Variants in ADAMTSL1 observed in about 807,000 individuals in gnomAD.
ADAMTSL1 encodes ADAMTS-like protein 1.
ADAMTSL1 carries 126 observed loss-of-function variants against 201.8 expected under a neutral mutation model. The ratio of observed to expected loss-of-function variants is 0.62; its 90% CI spans 0.54 to 0.72. ADAMTSL1 has a LOEUF of 0.72. Ranked by LOEUF, ADAMTSL1 falls within the 30% of genes least tolerant of loss-of-function variation. The pLI is 0.00. For missense variants in ADAMTSL1, 2,679 were observed against 2,277.8 expected (o/e 1.18, Z -3.59); for synonymous variants, 1,121 against 903.4 (o/e 1.24, Z -4.32).
intron 2 of ADAMTSL1, among the ~76,000 whole-genome samples, chr9:18,302,513 C>G (rs1196576826): frequency 2.0e-5 from 3 of 152,118 alleles, no homozygotes; most frequent in Admixed American, 1.3e-4. Flanking sequence ...GCTCTTGCCT[C>G]TATATCAAAA....
intron 3 of ADAMTSL1, among the ~76,000 whole-genome samples, chr9:18,548,416 C>G (rs1476972803): frequency 1.3e-5 from 2 of 151,994 alleles, no homozygotes; most frequent in African/African-American, 4.8e-5. Context: ...TTTGCAAGCT[C>G]AAGAAAGCTG....
chr9:18,904,232 G>C (rs1402100862), intron 26 of ADAMTSL1, among the ~76,000 whole-genome samples: 1 of 152,086 alleles, frequency 6.6e-6, no homozygotes, highest in Non-Finnish European at 1.5e-5. Flanking sequence ...ACTTTGGGAG[G>C]CCAAGGCAGG....
intron 4 of ADAMTSL1, among the ~76,000 whole-genome samples, chr9:18,590,954 C>G (rs1576897): frequency 6.6e-6 from 1 of 151,874 alleles, no homozygotes; most frequent in African/African-American, 2.4e-5. Flanking sequence ...TAATATATGG[C>G]TTATTCTGGA....
intron 2 of ADAMTSL1, among the ~76,000 whole-genome samples, chr9:18,305,224 T>G (rs1348487921): frequency 6.6e-6 from 1 of 152,200 alleles, no homozygotes; most frequent in Non-Finnish European, 1.5e-5. Flanking sequence ...ACCAGGAGAT[T>G]CCCTTGGCTG....
At chr9:18,558,954 G>T (rs1435992734) in intron 3 of ADAMTSL1, among the ~76,000 whole-genome samples, 1 of 152,108 alleles carries the variant, frequency 6.6e-6, no homozygotes, top group East Asian at 1.9e-4. Context: ...CCATTCTGTA[G>T]GTTGCCTATT....
intron 2 of ADAMTSL1, among the ~76,000 whole-genome samples, chr9:18,164,532 C>T (rs892482722): frequency 6.6e-6 from 1 of 151,566 alleles, no homozygotes; most frequent in African/African-American, 2.4e-5. Context: ...AGATTACAGG[C>T]CTTTCTCTGC....
intron 2 of ADAMTSL1, among the ~76,000 whole-genome samples, chr9:18,211,149 C>T (rs1464546466): frequency 6.6e-6 from 1 of 152,136 alleles, no homozygotes; most frequent in Non-Finnish European, 1.5e-5. Flanking sequence ...TATTTTCTAT[C>T]TCCTTTTCCC....
In ADAMTSL1 at chr9:18,474,181, G is replaced by A. The variant is rs990294526; in HGVS notation, c.-52G>A. 1.3e-6 allele frequency: 2 copies of A among 1,567,448 alleles called. No homozygotes were observed. The highest frequency in any genetic ancestry group is 8.8e-7 in the Non-Finnish European group (1 of 1,138,438). ...ACTGGATGTGACAGCAGGCAGAGGA[G>A]CACTTAGCAGCTTATTCAGTGTCCG... On this transcript the variant is annotated 5_prime_UTR_variant, in exon 1 of 29. Coordinates refer to ENST00000380548, the MANE Select transcript of ADAMTSL1 (RefSeq NM_001040272.6).
chr9:18,753,110 A>C (rs1819552959), intron 15 of ADAMTSL1, among the ~76,000 whole-genome samples, 188 bp from the exon 16 acceptor site: 1 of 152,190 alleles, frequency 6.6e-6, no homozygotes, highest in Admixed American at 6.5e-5. Flanking sequence ...TCTTTGCTTT[A>C]ATGTAAATGA....
chr9:18,252,989 A>G (rs970694104), intron 2 of ADAMTSL1, among the ~76,000 whole-genome samples: 1 of 152,234 alleles, frequency 6.6e-6, no homozygotes. Flanking sequence ...ATAAATTTTC[A>G]CCATTAGGAA....
intron 1 of ADAMTSL1, among the ~76,000 whole-genome samples, chr9:18,089,843 G>A (rs1366408886): frequency 6.6e-6 from 1 of 152,108 alleles, no homozygotes; most frequent in African/African-American, 2.4e-5. Flanking sequence ...ATAAGATCCT[G>A]CCTATAGTTA....
At chr9:18,793,677 G>A (rs528206552) in intron 19 of ADAMTSL1, among the ~76,000 whole-genome samples, 2 of 152,270 alleles carry the variant, frequency 1.3e-5, no homozygotes, top group African/African-American at 4.8e-5. Flanking sequence ...ACTAGCTTCA[G>A]GATCCCCAAA....
chr9:18,837,607 C>G (rs80153300), intron 23 of ADAMTSL1, among the ~76,000 whole-genome samples: 5,847 of 152,284 alleles, frequency 0.038, 154 homozygotes, highest in South Asian at 0.097. Flanking sequence ...CACATGCCAC[C>G]AATACGCATT....
At chr9:18,753,695 T>C (rs1819592533) in intron 16 of ADAMTSL1, among the ~76,000 whole-genome samples, 187 bp downstream of exon 16, 1 of 152,208 alleles carries the variant, frequency 6.6e-6, no homozygotes, top group Non-Finnish European at 1.5e-5. Context: ...TATCATGCTT[T>C]TTCTACTGTA....
chr9:18,488,764 C>T (rs1822124123), intron 1 of ADAMTSL1, among the ~76,000 whole-genome samples: 1 of 152,186 alleles, frequency 6.6e-6, no homozygotes, highest in South Asian at 2.1e-4. Flanking sequence ...TTCCAGAAAC[C>T]AACCTCTTGT....
chr9:18,831,101 C>T (rs1409443496), intron 23 of ADAMTSL1, among the ~76,000 whole-genome samples: 1 of 152,160 alleles, frequency 6.6e-6, no homozygotes, highest in Non-Finnish European at 1.5e-5. Flanking sequence ...TCGTTTTCAT[C>T]TGAAACTTGC....
At position 18,276,922 on chromosome 9, in the gene ADAMTSL1, C is replaced by G. The variant is rs953961911; in HGVS notation, c.207+112941C>G. ...ATGAGATTTGGAAGGGATAAAACATCCAAACCATATCAATGTGTATGCTGC... is the reference window on the plus strand; with the variant it reads ...ATGAGATTTGGAAGGGATAAAACATGCAAACCATATCAATGTGTATGCTGC... On this transcript the variant is annotated intron_variant, in intron 2 of 29. Coordinates refer to the ADAMTSL1 transcript ENST00000680146. 2.0e-5 allele frequency among the ~76,000 whole-genome samples: 3 copies of G among 150,424 alleles called. No individual in the cohort carries two copies. In the Admixed American group the frequency reaches 2.1e-4, roughly 10 times the overall value.
chr9:18,297,744 T>C (rs1484617272), intron 2 of ADAMTSL1, among the ~76,000 whole-genome samples: 1 of 152,174 alleles, frequency 6.6e-6, no homozygotes, highest in Non-Finnish European at 1.5e-5. Flanking sequence ...ATATATTAAC[T>C]TGGCTCCTCT....
intron 13 of ADAMTSL1, among the ~76,000 whole-genome samples, chr9:18,701,414 T>G (rs1831916025): frequency 6.6e-6 from 1 of 152,144 alleles, no homozygotes; most frequent in African/African-American, 2.4e-5. Context: ...GAGACAGGGT[T>G]TCGCCATGTT....
Sources: gnomAD v4.1 joint callset for allele counts (sites outside exome capture counted in the v4.1 genomes callset) on GRCh38, gnomAD v4.1.1 for gene constraint, MANE v1.5 for transcripts, NCBI Gene and HGNC (gene_info 2026-07-23, HGNC 2026-07-21) for gene names.